SASH1: variants seen among roughly 807,000 people sequenced by gnomAD.
The protein encoded by SASH1 is SAM and SH3 domain containing 1.
Under a neutral mutation model 125.2 loss-of-function variants are expected in SASH1, and 44 were observed. The ratio of observed to expected loss-of-function variants is 0.35; its 90% CI spans 0.28 to 0.45. The LOEUF (loss-of-function observed/expected upper bound fraction) is 0.45, where lower values mean the gene tolerates loss of function less well. Ranked by LOEUF, SASH1 falls within the 20% of genes least tolerant of loss-of-function variation. The pLI, the probability that SASH1 is intolerant of heterozygous loss-of-function variation, is 1.00. For missense variants in SASH1, 1,426 were observed against 1,614.5 expected, an observed-to-expected ratio of 0.88 and a Z score of 2.00; for synonymous variants, 639 against 649.1, an observed-to-expected ratio of 0.98 and a Z score of 0.24.
intron 8 of SASH1, chr6:148,508,827 G>A (rs1178241052): frequency 3.9e-6 from 3 of 765,216 alleles, no homozygotes; most frequent in East Asian, 6.6e-5. Flanking sequence ...GGGGTGGGAG[G>A]TACAGGACGT....
intron 10 of SASH1, chr6:148,524,548 G>A (rs191176177): frequency 6.6e-6 from 1 of 152,250 alleles, no homozygotes; most frequent in East Asian, 1.9e-4. Context: ...TATAACATCA[G>A]CATTGTTCCT....
chr6:148,345,783 G>A (rs190440813), intron 1 of SASH1, among the ~76,000 whole-genome samples: 11 of 152,260 alleles, frequency 7.2e-5, no homozygotes, highest in Non-Finnish European at 1.5e-4. Context: ...TTGGCCAATG[G>A]CACATACCAT....
chr6:148,260,459 T>C, the SASH1 span, among the ~76,000 whole-genome samples: 1 of 151,942 alleles, frequency 6.6e-6, no homozygotes, highest in African/African-American at 2.4e-5. Flanking sequence ...AATCAAAAAG[T>C]TAGCCAGGTA....
intron 1 of SASH1, among the ~76,000 whole-genome samples, chr6:148,326,047 T>G (rs1048642189): frequency 1.3e-5 from 2 of 148,990 alleles, no homozygotes; most frequent in East Asian, 4.2e-4. Flanking sequence ...TTTTTTTTTT[T>G]GAGACAGTCT....
At chr6:148,290,389 G>A (rs973236303) in intron 1 of SASH1, among the ~76,000 whole-genome samples, 1 of 151,420 alleles carries the variant, frequency 6.6e-6, no homozygotes, top group Admixed American at 6.6e-5. Context: ...GGCAGATCAC[G>A]AGGTCAGGAG....
intron 1 of SASH1, among the ~76,000 whole-genome samples, chr6:148,334,206 C>CTT (rs1470698050): frequency 7.3e-6 from 1 of 137,568 alleles, no homozygotes; most frequent in Non-Finnish European, 1.6e-5. Context: ...GGGTGGATCA[C>CTT]GAGGTCAGGA....
intron 4 of SASH1, among the ~76,000 whole-genome samples, chr6:148,443,628 G>A (rs1776651583): frequency 6.6e-6 from 1 of 151,652 alleles, no homozygotes; most frequent in South Asian, 2.1e-4. Context: ...CAGTGTTACT[G>A]TGATGGTTGC....
chr6:148,457,182 C>T (rs1418745193), intron 4 of SASH1, among the ~76,000 whole-genome samples: 3 of 151,550 alleles, frequency 2.0e-5, no homozygotes, highest in Non-Finnish European at 2.9e-5. Flanking sequence ...CCCCCTCCCC[C>T]GCCCCTTTTT....
intron 1 of SASH1, among the ~76,000 whole-genome samples, chr6:148,331,637 G>C (rs1456989528): frequency 6.6e-6 from 1 of 151,648 alleles, no homozygotes; most frequent in Non-Finnish European, 1.5e-5. Flanking sequence ...CCAGAACTTG[G>C]TCTTTACACA....
intron 2 of SASH1, among the ~76,000 whole-genome samples, chr6:148,407,185 C>G (rs1784413119): frequency 6.6e-6 from 1 of 152,186 alleles, no homozygotes; most frequent in Admixed American, 6.5e-5. Flanking sequence ...ATCCACAGAG[C>G]TCTTTCCGTC....
Position 148,297,183 on chromosome 6 carries a change from G to A in SASH1, n.74+24806G>A, listed in dbSNP as rs189484527. On this transcript the variant is annotated intron_variant and non_coding_transcript_variant, in intron 1 of 3. Transcript: ENST00000367469. Reference sequence around the variant, plus strand: ...GACTCTGGGCATGGTGCACGCTGTCGCGGGGAGCAGCCGACCTTCCAGAAC... The same window carrying A: ...GACTCTGGGCATGGTGCACGCTGTCACGGGGAGCAGCCGACCTTCCAGAAC... Among the ~76,000 whole-genome samples the A allele has an allele frequency of 6.4e-4, 97 of 152,316 alleles. 1 individual carries two copies. The highest frequency in any genetic ancestry group is 6.3e-4 in the Non-Finnish European group (43 of 68,030).
chr6:148,381,916 T>C (rs1265207050), intron 1 of SASH1, among the ~76,000 whole-genome samples: 4 of 152,048 alleles, frequency 2.6e-5, no homozygotes, highest in Non-Finnish European at 5.9e-5. Flanking sequence ...GAATTACAGG[T>C]GTGAGCCACT....
intron 1 of SASH1, among the ~76,000 whole-genome samples, chr6:148,289,631 T>G (rs1779573923): frequency 6.6e-6 from 1 of 152,166 alleles, no homozygotes; most frequent in Non-Finnish European, 1.5e-5. Flanking sequence ...CATAGACAAT[T>G]GTTACTGATA....
Position 148,318,509 on chromosome 6 carries a change from G to A in SASH1, n.74+46132G>A, listed in dbSNP as rs566925328. On this transcript the variant is annotated intron_variant and non_coding_transcript_variant, in intron 1 of 3. Coordinates refer to the SASH1 transcript ENST00000367469. ...CTGCAAACATGGCCATAGAACATTG[G>A]CAGCTTCTTTTCTCACCTTTTGTGG... is the stretch of plus-strand genomic sequence containing the variant. Among the ~76,000 whole-genome samples, 14 of 151,654 alleles carry A rather than the reference G, an allele frequency of 9.2e-5. No homozygotes were observed. The South Asian group carries it at 2.5e-3, about 27-fold the overall frequency.
At chr6:148,194,492 C>T in the SASH1 span, among the ~76,000 whole-genome samples, 10 of 152,178 alleles carry the variant, frequency 6.6e-5, no homozygotes, top group Non-Finnish European at 1.2e-4. Flanking sequence ...TTCGTGGCAA[C>T]GATGTGACTC....
chr6:148,274,810 A>T (rs1275585562), intron 1 of SASH1, among the ~76,000 whole-genome samples: 1 of 152,222 alleles, frequency 6.6e-6, no homozygotes, highest in South Asian at 2.1e-4. Context: ...CCACAGTGAT[A>T]CCTGGATTAT....
intron 2 of SASH1, among the ~76,000 whole-genome samples, chr6:148,422,219 T>A (rs1785133235): frequency 6.6e-6 from 1 of 152,244 alleles, no homozygotes; most frequent in African/African-American, 2.4e-5. Flanking sequence ...CAATCTATGC[T>A]TTCTGCCTGA....
At chr6:148,361,958 G>A (rs1388331015) in intron 1 of SASH1, among the ~76,000 whole-genome samples, 2 of 141,580 alleles carry the variant, frequency 1.4e-5, no homozygotes, top group Admixed American at 1.5e-4. Flanking sequence ...CTGTCGCCCA[G>A]GCTGGAGTGC....
chr6:148,363,670 G>A (rs1014060651), intron 1 of SASH1, among the ~76,000 whole-genome samples: 2 of 151,980 alleles, frequency 1.3e-5, no homozygotes, highest in African/African-American at 4.8e-5. Context: ...AAAGTGCTGG[G>A]ATTACAGGCA....
Sources: gnomAD v4.1 joint callset for allele counts (sites outside exome capture counted in the v4.1 genomes callset) on GRCh38, gnomAD v4.1.1 for gene constraint, MANE v1.5 for transcripts, NCBI Gene and HGNC (gene_info 2026-07-23, HGNC 2026-07-21) for gene names.